The following GLI3 variants were observed in gnomAD, a reference collection of about 807,000 sequenced individuals.
GLI3 encodes the protein GLI family zinc finger 3.
A neutral mutation model predicts 100.8 loss-of-function variants in GLI3; 20 were observed. The observed-to-expected ratio is 0.20, with a 90% CI of 0.14 to 0.29. The LOEUF (loss-of-function observed/expected upper bound fraction) is 0.29. GLI3 is among the 10% of genes least tolerant of loss of function. The pLI, the probability that GLI3 is intolerant of heterozygous loss-of-function variation, is 1.00. For synonymous variants in GLI3, 938 were observed against 860.5 expected (o/e 1.09, Z -1.58); for missense variants, 2,040 against 2,128.5 (o/e 0.96, Z 0.82).
In GLI3 at chr7:41,965,568, T is replaced by C; in HGVS notation, c.3505A>G (p.Ser1169Gly). The change falls in exon 15 of 15, where the codon AGC becomes GGC. Residue 1169 changes from serine to glycine, a missense_variant. Ser to Gly is a moderately conservative substitution (Grantham distance 56). Coordinates refer to ENST00000395925, the MANE Select transcript of GLI3 (RefSeq NM_000168.6). ...AGCTTGGAGGAGGACAGGTCGGCGC[T>C]TCCGGAGCTGACTTCGTTCCACTGA... ...PIQWNEVSSG[S>G]ADLSSSKLKC... 1 of 1,605,082 alleles carries C rather than the reference T, an allele frequency of 6.2e-7. No individual in the cohort carries two copies. Among genetic ancestry groups the C allele is most frequent in the East Asian group, 2.2e-5 (1 of 44,532 alleles).
chr7:42,095,328 G>A (rs1169263824), intron 3 of GLI3, among the ~76,000 whole-genome samples: 2 of 152,228 alleles, frequency 1.3e-5, no homozygotes, highest in Non-Finnish European at 2.9e-5. Context: ...GCAAGAAGAT[G>A]AGGCCAGGCC....
At chr7:42,185,758 T>C (rs749073721) in intron 2 of GLI3, among the ~76,000 whole-genome samples, 24 of 152,192 alleles carry the variant, frequency 1.6e-4, no homozygotes, top group African/African-American at 4.6e-4. Flanking sequence ...GGATGAAAGA[T>C]TGTGATCTAA....
At chr7:42,077,682 C>T (rs1184066063) in intron 3 of GLI3, among the ~76,000 whole-genome samples, 2 of 151,832 alleles carry the variant, frequency 1.3e-5, no homozygotes, top group Non-Finnish European at 1.5e-5. Flanking sequence ...CTCCCACCCC[C>T]ACTTACTCCT....
At chr7:41,971,391 T>C (rs1284252391) in intron 13 of GLI3, among the ~76,000 whole-genome samples, 1 of 152,228 alleles carries the variant, frequency 6.6e-6, no homozygotes, top group East Asian at 1.9e-4. Flanking sequence ...ATTAAATCCA[T>C]TCTACGCATG....
At chr7:41,967,968 T>A in intron 13 of GLI3, 45 bp from the exon 14 acceptor site, 1 of 1,489,718 alleles carries the variant, frequency 6.7e-7, no homozygotes, top group Non-Finnish European at 9.4e-7. Context: ...CCAGGGAGGG[T>A]CAAGGAAAGG....
intron 3 of GLI3, among the ~76,000 whole-genome samples, chr7:42,147,645 G>C (rs569329802): frequency 1.3e-5 from 2 of 152,150 alleles, no homozygotes; most frequent in Admixed American, 1.3e-4. Flanking sequence ...AACGTGATTA[G>C]TGCTGAGAAA....
At chr7:42,074,785 C>T (rs1228056584) in intron 4 of GLI3, among the ~76,000 whole-genome samples, 1 of 152,206 alleles carries the variant, frequency 6.6e-6, no homozygotes, top group East Asian at 1.9e-4. Flanking sequence ...CAGAATCTTC[C>T]AGGACTTGTC....
intron 2 of GLI3, among the ~76,000 whole-genome samples, chr7:42,173,833 G>A (rs568639789): frequency 6.6e-6 from 1 of 152,298 alleles, no homozygotes; most frequent in African/African-American, 2.4e-5. Context: ...CAGAAGCAGA[G>A]CTGGTCTATA....
At position 41,964,317 on chromosome 7, in the gene GLI3, T is replaced by G; in HGVS notation, c.*13A>C. On this transcript the variant is annotated 3_prime_UTR_variant, in exon 15 of 15. Coordinates refer to ENST00000395925, the MANE Select transcript of GLI3 (RefSeq NM_000168.6). The stretch of plus-strand genomic sequence containing the variant: ...ATTGATTTCCGTTGGTTGCAGTCTT[T>G]TTTTCCTAAAGCCTATTGCATAACT... 2 of 1,613,308 alleles carry G rather than the reference T, an allele frequency of 1.2e-6. No individual in the cohort carries two copies. Among genetic ancestry groups the G allele is most frequent in the Non-Finnish European group, 8.5e-7 (1 of 1,179,264 alleles).
chr7:42,069,415 C>A (rs1352578710), intron 4 of GLI3, among the ~76,000 whole-genome samples: 1 of 152,168 alleles, frequency 6.6e-6, no homozygotes, highest in Non-Finnish European at 1.5e-5. Context: ...GAAACTCAAC[C>A]ATCTTTTCCT....
intron 3 of GLI3, among the ~76,000 whole-genome samples, chr7:42,089,037 C>T (rs1014216585): frequency 6.6e-6 from 1 of 152,148 alleles, no homozygotes; most frequent in African/African-American, 2.4e-5. Flanking sequence ...GCTTCTAGAC[C>T]AGTCTTCATA....
At chr7:41,999,812 A>G (rs1305517687) in intron 10 of GLI3, among the ~76,000 whole-genome samples, 1 of 152,186 alleles carries the variant, frequency 6.6e-6, no homozygotes, top group Non-Finnish European at 1.5e-5. Flanking sequence ...CATACTATCC[A>G]TTCTCTGCCC....
intron 2 of GLI3, among the ~76,000 whole-genome samples, chr7:42,150,864 T>C (rs1215145419): frequency 6.6e-6 from 1 of 152,192 alleles, no homozygotes; most frequent in African/African-American, 2.4e-5. Flanking sequence ...CCAGAGACTC[T>C]TCCCACCATT....
intron 10 of GLI3, among the ~76,000 whole-genome samples, chr7:42,001,655 G>A (rs1218121105): frequency 6.6e-6 from 1 of 152,176 alleles, no homozygotes; most frequent in Non-Finnish European, 1.5e-5. Context: ...GAAAGAAGAA[G>A]CCATTGCATG....
In GLI3 at chr7:41,981,347, G is replaced by C. The variant is rs144465535; in HGVS notation, c.1498-2599C>G. On this transcript the variant is annotated intron_variant, in intron 10 of 14. Coordinates refer to ENST00000395925, the MANE Select transcript of GLI3 (RefSeq NM_000168.6). ...TGTGTGCTCAGTCATGTCTCCAGCA[G>C]TGAGGATGTGGGAAATACCCCTGCA... is the stretch of plus-strand genomic sequence containing the variant. 6.6e-4 allele frequency among the ~76,000 whole-genome samples: 101 copies of C among 152,338 alleles called. No individual in the cohort carries two copies. In the Middle Eastern group the frequency reaches 0.027, roughly 41 times the overall value.
chr7:42,137,123 T>G (rs1186663544), intron 3 of GLI3, among the ~76,000 whole-genome samples: 1 of 152,178 alleles, frequency 6.6e-6, no homozygotes, highest in African/African-American at 2.4e-5. Context: ...GGTTGTTTTG[T>G]GGGGATTTAG....
At chr7:42,178,365 C>T (rs1787522482) in intron 2 of GLI3, among the ~76,000 whole-genome samples, 1 of 152,202 alleles carries the variant, frequency 6.6e-6, no homozygotes, top group South Asian at 2.1e-4. Flanking sequence ...ATTGTAAAAG[C>T]TCCTCGGGCA....
In GLI3 at chr7:42,062,712, G is replaced by GACACACAC. The variant is rs10523955; in HGVS notation, c.474-14024_474-14017dup. Among the ~76,000 whole-genome samples, 830 of 149,714 alleles carry GACACACAC rather than the reference G, an allele frequency of 5.5e-3. 10 individuals carry two copies. Among genetic ancestry groups the GACACACAC allele is most frequent in the African/African-American group, 0.02 (796 of 40,768 alleles). On this transcript the variant is annotated intron_variant, in intron 4 of 14. Transcript: ENST00000395925. ...GGTTTATATATTATACACACACACA[G>GACACACAC]ACACACACACACACACACACACATT...
At chr7:42,033,403 A>G (rs1303923776) in intron 7 of GLI3, among the ~76,000 whole-genome samples, 1 of 152,190 alleles carries the variant, frequency 6.6e-6, no homozygotes, top group Admixed American at 6.5e-5. Context: ...AGGTCAGGGC[A>G]CTGGAATTAA....
Sources: allele counts gnomAD v4.1 joint callset (sites outside exome capture counted in the v4.1 genomes callset), GRCh38; gene constraint gnomAD v4.1.1; transcripts MANE v1.5; gene names NCBI Gene and HGNC (gene_info 2026-07-23, HGNC 2026-07-21).